The following MKLN1 variants were observed in gnomAD, a reference collection of about 807,000 sequenced individuals.
MKLN1 encodes the protein muskelin.
A neutral mutation model predicts 99.0 loss-of-function variants in MKLN1; 18 were observed. The observed-to-expected ratio is 0.18, with a 90% CI of 0.13 to 0.27. MKLN1 has a LOEUF of 0.27. Ranked by LOEUF, MKLN1 falls within the 10% of genes least tolerant of loss-of-function variation. The pLI, the probability that MKLN1 is intolerant of heterozygous loss-of-function variation, is 1.00. For synonymous variants in MKLN1, 288 were observed against 293.2 expected (o/e 0.98, Z 0.18); for missense variants, 621 against 875.9 (o/e 0.71, Z 3.67).
chr7:131,496,626 G>T lies in MKLN1; in HGVS notation c.*8898G>T, dbSNP rs1584799850. ...TTTTCTTAATAAAATGTTATATATGGATGCTACAAGATATCTCTTGTATTT... is the reference window on the plus strand; with the variant it reads ...TTTTCTTAATAAAATGTTATATATGTATGCTACAAGATATCTCTTGTATTT... On this transcript the variant is annotated 3_prime_UTR_variant, in exon 18 of 18. Coordinates refer to ENST00000352689, the MANE Select transcript of MKLN1 (RefSeq NM_013255.5). 1 of 151,256 alleles carries T rather than the reference G, an allele frequency of 6.6e-6. No homozygotes were observed. Among genetic ancestry groups the T allele is most frequent in the African/African-American group, 2.5e-5 (1 of 40,562 alleles). 9.4% of individuals were successfully genotyped at this position (151,256 alleles called of 1,614,324 possible).
intron 6 of MKLN1, among the ~76,000 whole-genome samples, chr7:131,405,060 G>A (rs1794660275): frequency 1.3e-5 from 2 of 152,020 alleles, no homozygotes; most frequent in African/African-American, 4.8e-5. Context: ...GTTGTTAATT[G>A]TTTGGTTCAG....
rs60725549 is a variant in MKLN1, at chr7:131,160,492, A to AATTATTATT, written c.-297+17585_-297+17593dup. 6.1e-3 allele frequency among the ~76,000 whole-genome samples: 850 copies of AATTATTATT among 138,956 alleles called. 3 individuals carry two copies. Among genetic ancestry groups the AATTATTATT allele is most frequent in the South Asian group, 0.018 (75 of 4,256 alleles). 91.2% of individuals were successfully genotyped at this position (138,956 alleles called of 152,430 possible). On this transcript the variant is annotated intron_variant, in intron 2 of 7. Transcript: ENST00000416992. ...TTTAACTTATTTTATTATTATTATTAATTATTATTATTATTATTATTATTA... is the reference window on the plus strand; with the variant it reads ...TTTAACTTATTTTATTATTATTATTAATTATTATTATTATTATTATTATTATTATTATTA...
chr7:131,124,170 C>T (rs73147700), intron 1 of MKLN1, among the ~76,000 whole-genome samples: 4,046 of 152,116 alleles, frequency 0.027, 85 homozygotes, highest in Middle Eastern at 0.051. Flanking sequence ...AGGTGTAGTA[C>T]CTGGGAAATG....
chr7:131,143,784 C>T (rs1795775851), intron 2 of MKLN1, among the ~76,000 whole-genome samples: 2 of 152,074 alleles, frequency 1.3e-5, no homozygotes, highest in Non-Finnish European at 1.5e-5. Context: ...GCCATGATCA[C>T]AACACTGCAC....
intron 16 of MKLN1, among the ~76,000 whole-genome samples, chr7:131,474,666 A>T (rs1290820729): frequency 6.6e-6 from 1 of 152,218 alleles, no homozygotes; most frequent in Non-Finnish European, 1.5e-5. Flanking sequence ...AAATTCATGA[A>T]ATAGGAAACA....
At chr7:131,431,394 A>G (rs1173445736) in intron 9 of MKLN1, among the ~76,000 whole-genome samples, 2 of 152,206 alleles carry the variant, frequency 1.3e-5, no homozygotes, top group Admixed American at 6.5e-5. Context: ...AGTAATAAGC[A>G]TTTATTTGCT....
chr7:131,124,647 G>T (rs754379801), intron 1 of MKLN1, among the ~76,000 whole-genome samples: 1 of 152,054 alleles, frequency 6.6e-6, no homozygotes, highest in Non-Finnish European at 1.5e-5. Flanking sequence ...TGCCCAATAT[G>T]GGTTTCCACC....
At chr7:131,387,093 A>G (rs1048485643) in intron 2 of MKLN1, 27 bp from the exon 3 acceptor site, 1 of 1,569,316 alleles carries the variant, frequency 6.4e-7, no homozygotes, top group Non-Finnish European at 8.6e-7. Context: ...ACAGAAGAGG[A>G]TATAATTTGG....
chr7:131,287,693 A>G (rs1164116306), intron 3 of MKLN1, among the ~76,000 whole-genome samples: 2 of 152,004 alleles, frequency 1.3e-5, no homozygotes, highest in Non-Finnish European at 2.9e-5. Context: ...TCAACCCATT[A>G]TAGCCCTGAT....
intron 1 of MKLN1, among the ~76,000 whole-genome samples, chr7:131,359,939 C>G (rs1262946534): frequency 3.3e-5 from 5 of 151,668 alleles, no homozygotes; most frequent in African/African-American, 9.7e-5. Context: ...AAAACATGTA[C>G]TTTTTTACCA....
intron 16 of MKLN1, among the ~76,000 whole-genome samples, chr7:131,475,630 A>G (rs1239525056): frequency 6.6e-6 from 1 of 152,092 alleles, no homozygotes; most frequent in Non-Finnish European, 1.5e-5. Flanking sequence ...TGGGCAACAT[A>G]GCAAAAACCT....
intron 11 of MKLN1, 23 bp downstream of exon 11, chr7:131,443,725 G>A (rs574152132): frequency 9.4e-6 from 14 of 1,485,790 alleles, no homozygotes; most frequent in African/African-American, 1.4e-5. Flanking sequence ...CGTACATTGC[G>A]TAAATGTTAT....
intron 2 of MKLN1, among the ~76,000 whole-genome samples, chr7:131,377,753 A>G (rs1793707383): frequency 6.6e-6 from 1 of 152,190 alleles, no homozygotes; most frequent in Non-Finnish European, 1.5e-5. Flanking sequence ...GCATCTATGG[A>G]GTGCCAAACT....
At chr7:131,148,037 A>G (rs1795839325) in intron 2 of MKLN1, among the ~76,000 whole-genome samples, 1 of 152,104 alleles carries the variant, frequency 6.6e-6, no homozygotes, top group South Asian at 2.1e-4. Context: ...TTTTCAGGGC[A>G]GTCAGATTTT....
chr7:131,188,443 G>A (rs184581944), intron 2 of MKLN1, among the ~76,000 whole-genome samples: 3 of 152,212 alleles, frequency 2.0e-5, no homozygotes, highest in Admixed American at 2.0e-4. Flanking sequence ...TGGTATGTTC[G>A]CTTGGAGCTG....
intron 3 of MKLN1, among the ~76,000 whole-genome samples, chr7:131,268,225 A>G (rs1392212709): frequency 1.3e-5 from 2 of 152,224 alleles, no homozygotes; most frequent in Non-Finnish European, 2.9e-5. Context: ...AATTCACTCC[A>G]GAATCCTGCA....
intron 3 of MKLN1, among the ~76,000 whole-genome samples, chr7:131,291,539 A>G (rs1798217146): frequency 6.7e-6 from 1 of 149,828 alleles, no homozygotes; most frequent in African/African-American, 2.4e-5. Flanking sequence ...AATGCAGAAT[A>G]CATATGTAAT....
chr7:131,329,117 G>T (rs937705453), intron 1 of MKLN1, among the ~76,000 whole-genome samples: 28 of 152,238 alleles, frequency 1.8e-4, no homozygotes, highest in African/African-American at 6.8e-4. Context: ...GACTAGATCT[G>T]TGAAGCATAC....
intron 9 of MKLN1, among the ~76,000 whole-genome samples, chr7:131,429,647 C>T (rs915699307): frequency 2.0e-5 from 3 of 152,114 alleles, no homozygotes; most frequent in African/African-American, 7.2e-5. Flanking sequence ...GGCACCATCT[C>T]GACTCACTGC....
Sources: allele counts gnomAD v4.1 joint callset (sites outside exome capture counted in the v4.1 genomes callset), GRCh38; gene constraint gnomAD v4.1.1; transcripts MANE v1.5; gene names NCBI Gene and HGNC (gene_info 2026-07-23, HGNC 2026-07-21).